PHF2: variants seen among roughly 807,000 people sequenced by gnomAD.
PHF2 encodes PHD finger protein 2, also known as lysine-specific demethylase PHF2.
A neutral mutation model predicts 120.5 loss-of-function variants in PHF2; 27 were observed. The observed-to-expected ratio is 0.22, with a 90% CI of 0.17 to 0.31. PHF2 has a LOEUF of 0.31. PHF2 is among the 10% of genes least tolerant of loss of function. PHF2 has a pLI of 1.00. For synonymous variants in PHF2, 568 were observed against 592.5 expected, an observed-to-expected ratio of 0.96 and a Z score of 0.60; for missense variants, 1,024 against 1,434.8, an observed-to-expected ratio of 0.71 and a Z score of 4.63.
intron 1 of PHF2, among the ~76,000 whole-genome samples, chr9:93,612,747 T>C (rs764673686): frequency 2.0e-5 from 3 of 152,226 alleles, no homozygotes; most frequent in African/African-American, 4.8e-5. Flanking sequence ...GGTATTGTCC[T>C]GAATTGTTTT....
At chr9:93,621,578 C>T (rs1469613583) in intron 1 of PHF2, among the ~76,000 whole-genome samples, 1 of 152,208 alleles carries the variant, frequency 6.6e-6, no homozygotes, top group Admixed American at 6.5e-5. Context: ...GGACACTGGC[C>T]CAGAGCCTGG....
intron 1 of PHF2, among the ~76,000 whole-genome samples, chr9:93,613,465 C>T (rs1211603246): frequency 6.6e-6 from 1 of 151,900 alleles, no homozygotes; most frequent in Non-Finnish European, 1.5e-5. Context: ...AAAACAGGCT[C>T]TGCTGCAGTG....
At position 93,576,796 on chromosome 9, in the gene PHF2, G is replaced by A; in HGVS notation, c.23G>A (p.Cys8Tyr). Reference protein sequence around the residue: MATVPVYCVCRLPYDVTR... With the variant: MATVPVYYVCRLPYDVTR... ...AACATGGCGACGGTGCCCGTGTACTGCGTCTGCCGGCTCCCCTACGACGTT... is the reference window on the plus strand; with the variant it reads ...AACATGGCGACGGTGCCCGTGTACTACGTCTGCCGGCTCCCCTACGACGTT... The change falls in exon 1 of 22, where the codon TGC (cysteine) becomes TAC (tyrosine). Residue 8 changes from cysteine (C) to tyrosine (Y), a missense_variant. Coordinates refer to ENST00000359246, the MANE Select transcript of PHF2 (RefSeq NM_005392.4). 2.3e-6 allele frequency: 3 copies of A among 1,283,866 alleles called. No individual in the cohort carries two copies. The highest frequency in any genetic ancestry group is 3.1e-6 in the Non-Finnish European group (3 of 981,700). The allele number at this position is 1,283,866 out of a possible 1,614,324, so 79.5% of individuals were successfully genotyped here.
intron 14 of PHF2, among the ~76,000 whole-genome samples, chr9:93,665,224 C>A (rs752486923): frequency 3.9e-5 from 6 of 152,204 alleles, no homozygotes; most frequent in Admixed American, 3.9e-4. Context: ...GGTCCTTTTC[C>A]GGTTAAAGAC....
intron 2 of PHF2, 44 bp downstream of exon 2, chr9:93,630,099 A>G (rs1416689906): frequency 6.3e-7 from 1 of 1,575,270 alleles, no homozygotes; most frequent in Non-Finnish European, 8.7e-7. Flanking sequence ...GGAAGAGAGC[A>G]GCATCCACCC....
At chr9:93,600,259 G>T (rs929040263) in intron 1 of PHF2, among the ~76,000 whole-genome samples, 34 of 152,084 alleles carry the variant, frequency 2.2e-4, no homozygotes, top group Non-Finnish European at 3.7e-4. Context: ...CTGTGTGTGT[G>T]TGTGTCACCC....
At chr9:93,638,296 C>A (rs1049477924) in intron 3 of PHF2, among the ~76,000 whole-genome samples, 1 of 152,082 alleles carries the variant, frequency 6.6e-6, no homozygotes. Context: ...TTGATAAAGT[C>A]CAATTAATCT....
chr9:93,590,162 A>G (rs116338544), intron 1 of PHF2, among the ~76,000 whole-genome samples: 58 of 152,382 alleles, frequency 3.8e-4, no homozygotes, highest in African/African-American at 1.2e-3. Context: ...ACACTGGGCA[A>G]CACATTTTCT....
At chr9:93,620,112 G>A (rs1385711325) in intron 1 of PHF2, among the ~76,000 whole-genome samples, 3 of 152,238 alleles carry the variant, frequency 2.0e-5, no homozygotes, top group African/African-American at 7.2e-5. Context: ...TTCTGCAGAT[G>A]TGGGTGGGCT....
rs2117954481 is a variant in PHF2, at chr9:93,656,312, C to T, written c.1041-177C>T. 6.6e-6 allele frequency among the ~76,000 whole-genome samples: 1 copy of T among 152,212 alleles called. No individual in the cohort carries two copies. Among genetic ancestry groups the T allele is most frequent in the South Asian group, 2.1e-4 (1 of 4,820 alleles). On this transcript the variant is annotated intron_variant, in intron 8 of 21. Transcript: ENST00000359246. This position sits in a 1 kb window ranked among gnomAD's most constrained non-coding sequence, Gnocchi z 4.1. ...GCTGCCTTCTCTTCTTGGGCACTGA[C>T]AGAACTCTCATGGGCCCCGAGGTCT...
intron 1 of PHF2, among the ~76,000 whole-genome samples, chr9:93,598,564 C>A (rs954129773): frequency 6.6e-6 from 1 of 152,120 alleles, no homozygotes; most frequent in African/African-American, 2.4e-5. Flanking sequence ...CCATCACCTG[C>A]TAATAGCAGG....
chr9:93,617,456 T>C (rs1480536259), intron 1 of PHF2, among the ~76,000 whole-genome samples: 2 of 152,328 alleles, frequency 1.3e-5, no homozygotes, highest in East Asian at 3.9e-4. Flanking sequence ...ACTCAGGTTT[T>C]GCGGGGAGCA....
intron 14 of PHF2, among the ~76,000 whole-genome samples, chr9:93,665,269 C>G (rs1354109713): frequency 2.6e-5 from 4 of 152,188 alleles, no homozygotes; most frequent in African/African-American, 7.2e-5. Context: ...TAGGCAGGCC[C>G]GAGGCGGGGC....
At chr9:93,665,936 G>A (rs1826670345) in intron 15 of PHF2, 54 bp from the exon 16 acceptor site, 1 of 1,612,124 alleles carries the variant, frequency 6.2e-7, no homozygotes, top group Non-Finnish European at 8.5e-7. Flanking sequence ...TCTTCCCAGG[G>A]TGGCTGGCTC....
intron 9 of PHF2, among the ~76,000 whole-genome samples, chr9:93,657,012 C>T (rs1171749874): frequency 7.2e-5 from 11 of 151,914 alleles, no homozygotes; most frequent in Non-Finnish European, 1.5e-4. Flanking sequence ...GCAACTGGAC[C>T]GTGAGGCAGG....
At chr9:93,582,335 C>T (rs1206818845) in intron 1 of PHF2, among the ~76,000 whole-genome samples, 1 of 152,172 alleles carries the variant, frequency 6.6e-6, no homozygotes, top group African/African-American at 2.4e-5. Context: ...CAGTGTAACA[C>T]GGACGGAAAT....
intron 1 of PHF2, among the ~76,000 whole-genome samples, chr9:93,597,182 G>C (rs1825351454): frequency 6.6e-6 from 1 of 152,178 alleles, no homozygotes; most frequent in Admixed American, 6.5e-5. Context: ...GCCTGCCTCA[G>C]CCTCCCAAAG....
At chr9:93,641,138 A>C (rs186767186) in intron 3 of PHF2, among the ~76,000 whole-genome samples, 215 of 152,018 alleles carry the variant, frequency 1.4e-3, no homozygotes, top group Middle Eastern at 0.01. Context: ...AGCCTTTTTA[A>C]TTTTTCTCTC....
chr9:93,580,223 G>A (rs1024209458), intron 1 of PHF2, among the ~76,000 whole-genome samples: 9 of 152,292 alleles, frequency 5.9e-5, no homozygotes, highest in Admixed American at 3.9e-4. Flanking sequence ...CACTGGCACC[G>A]ACTGGAGTGC....
Sources: gnomAD v4.1 joint callset for allele counts (sites outside exome capture counted in the v4.1 genomes callset) on GRCh38, gnomAD v4.1.1 for gene constraint, Gnocchi (gnomAD v3.1) non-coding constraint, MANE v1.5 for transcripts, NCBI Gene and HGNC (gene_info 2026-07-23, HGNC 2026-07-21) for gene names.